HEMK2: variants seen among roughly 807,000 people sequenced by gnomAD.
The protein encoded by HEMK2 is HemK methyltransferase 2, ETF1 glutamine and histone H4 lysine, also known as methyltransferase HEMK2.
the HEMK2 span, among the ~76,000 whole-genome samples, chr21:28,864,904 GATAGATGAT>G: frequency 2.5e-3 from 275 of 107,872 alleles, 3 homozygotes; most frequent in African/African-American, 9.1e-3. Context: ...GATAGATATA[GATAGATGAT>G]ATAGATAGAT....
chr21:28,818,848 A>G, the HEMK2 span, among the ~76,000 whole-genome samples: 1 of 152,340 alleles, frequency 6.6e-6, no homozygotes, highest in South Asian at 2.1e-4. Flanking sequence ...TCATTCCTAC[A>G]AAAAAGTGGA....
At chr21:28,600,390 C>T in the HEMK2 span, among the ~76,000 whole-genome samples, 5 of 152,250 alleles carry the variant, frequency 3.3e-5, no homozygotes, top group South Asian at 1.0e-3. Flanking sequence ...AAGTCACAGC[C>T]TGAGCTGTAC....
chr21:28,680,752 C>T, the HEMK2 span, among the ~76,000 whole-genome samples: 2 of 152,136 alleles, frequency 1.3e-5, no homozygotes, highest in South Asian at 4.1e-4. Context: ...TCAACATATG[C>T]AAATCAATAA....
chr21:28,810,334 G>A, the HEMK2 span, among the ~76,000 whole-genome samples: 1 of 152,012 alleles, frequency 6.6e-6, no homozygotes, highest in Non-Finnish European at 1.5e-5. Context: ...TTACAAAACT[G>A]TTAAAAAGAC....
the HEMK2 span, among the ~76,000 whole-genome samples, chr21:28,607,366 G>A: frequency 2.7e-3 from 409 of 152,090 alleles, 2 homozygotes; most frequent in African/African-American, 9.1e-3. Context: ...AGCCAAGATC[G>A]TGCCACTGCA....
chr21:28,721,935 C>T, the HEMK2 span, among the ~76,000 whole-genome samples: 4 of 143,338 alleles, frequency 2.8e-5, no homozygotes, highest in Admixed American at 1.4e-4. Flanking sequence ...CACACACACA[C>T]ACATACACCT....
At chr21:28,612,354 A>G in the HEMK2 span, among the ~76,000 whole-genome samples, 4 of 146,588 alleles carry the variant, frequency 2.7e-5, no homozygotes, top group African/African-American at 8.3e-5. Context: ...CAATAGATGC[A>G]AAAAAAAGCA....
At chr21:28,617,608 T>G in the HEMK2 span, among the ~76,000 whole-genome samples, 1 of 152,184 alleles carries the variant, frequency 6.6e-6, no homozygotes, top group Admixed American at 6.5e-5. Context: ...CTCTTCACAA[T>G]CCAAACAATC....
chr21:28,794,799 T>A, the HEMK2 span, among the ~76,000 whole-genome samples: 1 of 152,338 alleles, frequency 6.6e-6, no homozygotes, highest in East Asian at 1.9e-4. Context: ...GCGAAGGCTG[T>A]TTCTTTCCTA....
At chr21:28,871,609 C>T in the HEMK2 span, among the ~76,000 whole-genome samples, 1 of 152,106 alleles carries the variant, frequency 6.6e-6, no homozygotes, top group East Asian at 1.9e-4. Flanking sequence ...TTTCTGAGAG[C>T]TACTGTAACA....
chr21:28,642,460 G>A, the HEMK2 span, among the ~76,000 whole-genome samples: 2 of 152,186 alleles, frequency 1.3e-5, no homozygotes, highest in African/African-American at 2.4e-5. Flanking sequence ...CGCAGGCCCA[G>A]CAGCAGTGTC....
the HEMK2 span, among the ~76,000 whole-genome samples, chr21:28,708,943 T>G: frequency 1.3e-5 from 2 of 152,208 alleles, no homozygotes; most frequent in African/African-American, 2.4e-5. Flanking sequence ...CAGAGTGGCT[T>G]ATAAACAACT....
At chr21:28,720,808 G>A in the HEMK2 span, among the ~76,000 whole-genome samples, 1 of 152,094 alleles carries the variant, frequency 6.6e-6, no homozygotes, top group Admixed American at 6.6e-5. Flanking sequence ...AGTGTCATGC[G>A]AAATAGGAGA....
At chr21:28,884,500 C>A in the HEMK2 span, among the ~76,000 whole-genome samples, 2 of 152,206 alleles carry the variant, frequency 1.3e-5, no homozygotes, top group Non-Finnish European at 2.9e-5. Flanking sequence ...ATTTAAAAAT[C>A]ACAATGTCAG....
At chr21:28,679,891 A>G in the HEMK2 span, among the ~76,000 whole-genome samples, 1 of 152,104 alleles carries the variant, frequency 6.6e-6, no homozygotes, top group Non-Finnish European at 1.5e-5. Flanking sequence ...TCTGGGACAC[A>G]TTCAAAGCAG....
the HEMK2 span, among the ~76,000 whole-genome samples, chr21:28,867,628 C>T: frequency 1.3e-5 from 2 of 152,288 alleles, no homozygotes; most frequent in East Asian, 3.9e-4. Context: ...AGTATTCATA[C>T]AACAATTAGC....
At chr21:28,734,919 G>C in the HEMK2 span, among the ~76,000 whole-genome samples, 1 of 152,210 alleles carries the variant, frequency 6.6e-6, no homozygotes, top group Non-Finnish European at 1.5e-5. Flanking sequence ...GCAAGTCAGA[G>C]TAGGATAAAC....
the HEMK2 span, among the ~76,000 whole-genome samples, chr21:28,745,440 C>A: frequency 6.6e-6 from 1 of 152,126 alleles, no homozygotes; most frequent in South Asian, 2.1e-4. Context: ...GCCTTAGACC[C>A]GGACGAGAGG....
chr21:28,768,154 C>T, the HEMK2 span, among the ~76,000 whole-genome samples: 1 of 152,090 alleles, frequency 6.6e-6, no homozygotes, highest in Non-Finnish European at 1.5e-5. Context: ...TACTCCTCTG[C>T]CCAAACAGGA....
Sources: gnomAD v4.1 joint callset for allele counts (sites outside exome capture counted in the v4.1 genomes callset) on GRCh38, gnomAD v4.1.1 for gene constraint, MANE v1.5 for transcripts, NCBI Gene and HGNC (gene_info 2026-07-23, HGNC 2026-07-21) for gene names.